The following GRIK4 variants were observed in gnomAD, a reference collection of about 807,000 sequenced individuals.
GRIK4 encodes the protein glutamate receptor ionotropic, kainate 4.
In GRIK4, 40 loss-of-function variants were observed where a neutral mutation model predicts 104.9. The observed-to-expected ratio is 0.38, with a 90% CI of 0.30 to 0.50. GRIK4 has a LOEUF of 0.50. Ranked by LOEUF, GRIK4 falls within the 20% of genes least tolerant of loss-of-function variation. The probability of loss-of-function intolerance (pLI) is 0.93; values close to 1 mark genes in which losing one functional copy is unlikely to be tolerated. For synonymous variants in GRIK4, 485 were observed against 524.9 expected (o/e 0.92, Z 1.04); for missense variants, 1,047 against 1,308.1 (o/e 0.80, Z 3.08).
intron 3 of GRIK4, among the ~76,000 whole-genome samples, chr11:120,783,658 A>T (rs1265144189): frequency 6.6e-6 from 1 of 152,094 alleles, no homozygotes; most frequent in African/African-American, 2.4e-5. Flanking sequence ...ACTGCTTTTT[A>T]TCCCCTGTGG....
chr11:120,591,868 G>A (rs1391999825), intron 1 of GRIK4, among the ~76,000 whole-genome samples: 1 of 152,118 alleles, frequency 6.6e-6, no homozygotes, highest in Non-Finnish European at 1.5e-5. Context: ...CTCCTCTTCT[G>A]TATTTGCATC....
intron 1 of GRIK4, among the ~76,000 whole-genome samples, chr11:120,525,981 G>T (rs1591674006): frequency 6.6e-6 from 1 of 152,170 alleles, no homozygotes; most frequent in African/African-American, 2.4e-5. Context: ...ACCTGTGAAA[G>T]GGCTTCTTAA....
At chr11:120,881,040 G>A (rs1028938899) in intron 11 of GRIK4, among the ~76,000 whole-genome samples, 2 of 152,052 alleles carry the variant, frequency 1.3e-5, no homozygotes, top group African/African-American at 2.4e-5. Flanking sequence ...CTCAGGCAGC[G>A]GTTCCCAACA....
intron 3 of GRIK4, among the ~76,000 whole-genome samples, chr11:120,787,852 C>CTTTTTTTTTTTTTTT (rs58523604): frequency 1.3e-4 from 10 of 77,112 alleles, no homozygotes; most frequent in African/African-American, 3.1e-4. Context: ...CTTTTCTTTT[C>CTTTTTTTTTTTTTTT]TTTTTTTTTT....
chr11:120,593,449 C>T (rs1241965329), intron 1 of GRIK4, among the ~76,000 whole-genome samples: 3 of 152,146 alleles, frequency 2.0e-5, no homozygotes, highest in Admixed American at 6.5e-5. Context: ...CGACACTTCC[C>T]TCCTCCCTCG....
chr11:120,746,535 C>A (rs1951441339), intron 3 of GRIK4, among the ~76,000 whole-genome samples: 1 of 151,958 alleles, frequency 6.6e-6, no homozygotes, highest in Non-Finnish European at 1.5e-5. Context: ...GGCTCTGTGC[C>A]CTCAGAGCCC....
At chr11:120,692,450 T>A (rs1467935206) in intron 3 of GRIK4, among the ~76,000 whole-genome samples, 1 of 152,078 alleles carries the variant, frequency 6.6e-6, no homozygotes, top group Non-Finnish European at 1.5e-5. Context: ...CATAAACAGA[T>A]CTTGACAATT....
At chr11:120,535,273 C>A (rs918710021) in intron 1 of GRIK4, among the ~76,000 whole-genome samples, 3 of 82,876 alleles carry the variant, frequency 3.6e-5, no homozygotes, top group African/African-American at 1.9e-4. Flanking sequence ...CTCCTGGGAC[C>A]AGAGGGAAGA....
At chr11:120,605,453 T>A (rs562132244) in intron 1 of GRIK4, among the ~76,000 whole-genome samples, 3 of 152,326 alleles carry the variant, frequency 2.0e-5, no homozygotes, top group Admixed American at 2.0e-4. Context: ...ACTTACAGCA[T>A]GGGGTCTTTG....
chr11:120,878,491 G>C (rs1211764321), intron 11 of GRIK4, among the ~76,000 whole-genome samples: 1 of 152,114 alleles, frequency 6.6e-6, no homozygotes, highest in African/African-American at 2.4e-5. Flanking sequence ...AGCCAGTGTT[G>C]GATGGAATCT....
At chr11:120,782,093 A>T (rs960305571) in intron 3 of GRIK4, among the ~76,000 whole-genome samples, 2 of 151,350 alleles carry the variant, frequency 1.3e-5, no homozygotes, top group Non-Finnish European at 2.9e-5. Flanking sequence ...ATTCTCTCAT[A>T]CTTCCTTATT....
In GRIK4 at chr11:120,699,535, GTGTA is replaced by G. The variant is rs763099544; in HGVS notation, c.82+39139_82+39142del. Among the ~76,000 whole-genome samples the G allele has an allele frequency of 1.0e-3, 96 of 92,984 alleles. 1 individual carries two copies. In the South Asian group the frequency reaches 0.033, roughly 32 times the overall value. 61.0% of individuals were successfully genotyped at this position (92,984 alleles called of 152,430 possible). A position where few individuals can be genotyped will look rare whatever the true frequency, so the allele number is the denominator to read the frequency against. On this transcript the variant is annotated intron_variant, in intron 3 of 20. Coordinates refer to ENST00000527524, the MANE Select transcript of GRIK4 (RefSeq NM_014619.5). ...GGAATATAAACAGTAAGTCAGGTGTGTGTATGTGTGTGTGTGTGTGTGTGTGTGT... is the reference window on the plus strand; with the variant it reads ...GGAATATAAACAGTAAGTCAGGTGTGTGTGTGTGTGTGTGTGTGTGTGTGT...
intron 11 of GRIK4, among the ~76,000 whole-genome samples, chr11:120,895,054 C>T (rs2134466690): frequency 6.6e-6 from 1 of 152,154 alleles, no homozygotes; most frequent in South Asian, 2.1e-4. Context: ...TTGCCGTGTC[C>T]CCAGAGGAGG....
At chr11:120,835,395 G>T (rs186605548) in intron 7 of GRIK4, among the ~76,000 whole-genome samples, 2 of 152,278 alleles carry the variant, frequency 1.3e-5, no homozygotes, top group African/African-American at 2.4e-5. Flanking sequence ...AGGTGTGGTC[G>T]TGGGTGCCTG....
chr11:120,707,406 G>C (rs567284389), intron 3 of GRIK4, among the ~76,000 whole-genome samples: 2 of 152,288 alleles, frequency 1.3e-5, no homozygotes, highest in Admixed American at 6.5e-5. Flanking sequence ...TCTGAACTCT[G>C]TCCCCCAGCA....
rs139162998 is a variant in GRIK4 at position 120,952,532 on chromosome 11, C to A, written c.1591-323C>A. 5.4e-3 allele frequency among the ~76,000 whole-genome samples: 817 copies of A among 152,280 alleles called. 10 individuals are homozygous for A. Among genetic ancestry groups the A allele is most frequent in the African/African-American group, 0.016 (681 of 41,566 alleles). ...GGTGCTTCCTGAGTCCATCCTCCAC[C>A]CCCGATGGAGGACACAGGGTGGTAC... On this transcript the variant is annotated intron_variant, in intron 14 of 20. Transcript: ENST00000527524. This position sits in a 1 kb window ranked among gnomAD's most constrained non-coding sequence, Gnocchi z 5.2.
intron 3 of GRIK4, among the ~76,000 whole-genome samples, chr11:120,740,760 G>T (rs780046714): frequency 6.6e-6 from 1 of 152,132 alleles, no homozygotes; most frequent in African/African-American, 2.4e-5. Flanking sequence ...TCCACCTCCC[G>T]TGAGTGCCTC....
intron 11 of GRIK4, among the ~76,000 whole-genome samples, chr11:120,879,617 A>T (rs1312708772): frequency 1.3e-5 from 2 of 152,190 alleles, no homozygotes; most frequent in African/African-American, 4.8e-5. Flanking sequence ...CTTGGGACTG[A>T]CCTTGTGGAG....
At chr11:120,981,881 A>G (rs1325585366) in intron 19 of GRIK4, among the ~76,000 whole-genome samples, 1 of 152,180 alleles carries the variant, frequency 6.6e-6, no homozygotes, top group African/African-American at 2.4e-5. Context: ...ATTGATGGCA[A>G]GATCTCTCTC....
Sources: allele counts gnomAD v4.1 joint callset (sites outside exome capture counted in the v4.1 genomes callset), GRCh38; gene constraint gnomAD v4.1.1; non-coding constraint Gnocchi (gnomAD v3.1); transcripts MANE v1.5; gene names NCBI Gene and HGNC (gene_info 2026-07-23, HGNC 2026-07-21).